TNNI3K: variants seen among roughly 807,000 people sequenced by gnomAD.
The protein encoded by TNNI3K is TNNI3 interacting kinase, also known as serine/threonine-protein kinase TNNI3K.
Under a neutral mutation model 114.5 loss-of-function variants are expected in TNNI3K, and 140 were observed. The observed-to-expected ratio is 1.22, with a 90% confidence interval of 1.07 to 1.41. TNNI3K has a LOEUF of 1.41. TNNI3K is among the 40% of genes most tolerant of loss of function. The pLI is 0.00. For synonymous variants in TNNI3K, 347 were observed against 347.5 expected, an observed-to-expected ratio of 1.00 and a Z score of 0.02; for missense variants, 1,125 against 1,007.6, an observed-to-expected ratio of 1.12 and a Z score of -1.58.
intron 2 of TNNI3K, among the ~76,000 whole-genome samples, chr1:74,247,586 T>C (rs1386887743): frequency 6.6e-6 from 1 of 152,170 alleles, no homozygotes; most frequent in East Asian, 1.9e-4. Flanking sequence ...TGGTCCGTTT[T>C]GACAGGGTAC....
chr1:74,392,415 A>G (rs1663836521), intron 17 of TNNI3K, among the ~76,000 whole-genome samples: 1 of 152,240 alleles, frequency 6.6e-6, no homozygotes, highest in South Asian at 2.1e-4. Flanking sequence ...TCAGCAGGTA[A>G]CAGAACTGGG....
At chr1:74,439,816 C>T (rs756459196) in intron 20 of TNNI3K, among the ~76,000 whole-genome samples, 194 bp downstream of exon 20, 3 of 151,646 alleles carry the variant, frequency 2.0e-5, no homozygotes, top group Non-Finnish European at 4.4e-5. Flanking sequence ...GATTTCAGAC[C>T]GAGACACACA....
Position 74,369,420 on chromosome 1 carries a change from C to T in TNNI3K, c.1502C>T (p.Ser501Leu). Residue 501 changes from serine to leucine, a missense_variant, in exon 16 of 25, where the codon TCA (serine) becomes TTA (leucine). Transcript: ENST00000326637. ...CGAGCCAATACCTACTGCTCCAAGT[C>T]AGATGTGGATATGTTTTGCCGAGAG... is the stretch of plus-strand genomic sequence containing the variant. ...RYRANTYCSK[S>L]DVDMFCREVS... The T allele has an allele frequency of 6.2e-7, 1 of 1,611,510 alleles. No individual in the cohort carries two copies. Among genetic ancestry groups the T allele is most frequent in the African/African-American group, 1.3e-5 (1 of 74,868 alleles).
At chr1:74,540,438 A>G in intron 24 of TNNI3K, 125 bp downstream of exon 24, 3 of 898,900 alleles carry the variant, frequency 3.3e-6, no homozygotes, top group Non-Finnish European at 3.3e-6. Flanking sequence ...TTAAAAATAT[A>G]AAAGTATAAA....
At chr1:74,421,098 T>C (rs555689369) in intron 17 of TNNI3K, among the ~76,000 whole-genome samples, 1 of 152,236 alleles carries the variant, frequency 6.6e-6, no homozygotes, top group East Asian at 1.9e-4. Flanking sequence ...CAGTTACTTA[T>C]CTGCTTTTAG....
intron 9 of TNNI3K, chr1:74,345,963 T>C (rs928736183): frequency 6.6e-6 from 1 of 152,202 alleles, no homozygotes; most frequent in African/African-American, 2.4e-5. Flanking sequence ...AAATCTTATT[T>C]CCTTGCATCT....
At chr1:74,275,613 T>G (rs1258962812) in intron 5 of TNNI3K, among the ~76,000 whole-genome samples, 3 of 151,848 alleles carry the variant, frequency 2.0e-5, no homozygotes, top group Non-Finnish European at 4.4e-5. Context: ...ATAAGAGGGA[T>G]CTGGCCCAAA....
intron 4 of TNNI3K, among the ~76,000 whole-genome samples, chr1:74,252,549 C>T (rs1198642460): frequency 2.0e-5 from 3 of 152,166 alleles, no homozygotes; most frequent in African/African-American, 4.8e-5. Flanking sequence ...GGGACCCTCG[C>T]GGTGAGTATT....
chr1:74,306,345 G>A (rs1379597740), intron 5 of TNNI3K, among the ~76,000 whole-genome samples: 3 of 152,116 alleles, frequency 2.0e-5, no homozygotes, highest in Non-Finnish European at 4.4e-5. Flanking sequence ...ACATATGAGT[G>A]CAGGTGTCTC....
At chr1:74,252,574 C>CGGCA (rs1557450896) in intron 4 of TNNI3K, among the ~76,000 whole-genome samples, 1 of 152,074 alleles carries the variant, frequency 6.6e-6, no homozygotes, top group Non-Finnish European at 1.5e-5. Flanking sequence ...TTCTTAAAGG[C>CGGCA]GGCATGTCCA....
At chr1:74,251,111 A>G (rs139769529) in intron 4 of TNNI3K, among the ~76,000 whole-genome samples, 152 of 152,308 alleles carry the variant, frequency 1.0e-3, no homozygotes, top group Non-Finnish European at 1.7e-3. Flanking sequence ...TCAGAACACC[A>G]TGATGCCTCT....
Position 74,544,173 on chromosome 1 carries a change from A to T in TNNI3K, c.*191A>T. 1.8e-6 allele frequency: 1 copy of T among 554,788 alleles called. No homozygotes were observed. Among genetic ancestry groups the T allele is most frequent in the South Asian group, 2.8e-5 (1 of 35,758 alleles). 34.4% of individuals were successfully genotyped at this position (554,788 alleles called of 1,614,324 possible). A position where few individuals can be genotyped will look rare whatever the true frequency, so the allele number is the denominator to read the frequency against. On this transcript the variant is annotated 3_prime_UTR_variant, in exon 25 of 25. Transcript: ENST00000326637. ...GATTTGTGCCTAAGGAATAATATGCAAAAGAACCAAGACAGAATGTATATG... is the reference window on the plus strand; with the variant it reads ...GATTTGTGCCTAAGGAATAATATGCTAAAGAACCAAGACAGAATGTATATG...
intron 11 of TNNI3K, 99 bp downstream of exon 11, chr1:74,354,228 A>G: frequency 1.3e-6 from 2 of 1,538,030 alleles, no homozygotes; most frequent in Admixed American, 1.9e-5. Flanking sequence ...TGACTTGAAC[A>G]CTCTCATTTC....
At position 74,439,627 on chromosome 1, in the gene TNNI3K, GAC is replaced by G. The variant is rs1666289022; in HGVS notation, c.2011+10_2011+11del. 3 of 1,612,422 alleles carry G rather than the reference GAC, an allele frequency of 1.9e-6. No individual in the cohort carries two copies. The highest frequency in any genetic ancestry group is 1.1e-5 in the South Asian group (1 of 90,778). On this transcript the variant is annotated splice_donor_region_variant and intron_variant, in intron 20 of 24. Coordinates refer to ENST00000326637, the MANE Select transcript of TNNI3K (RefSeq NM_015978.3). ...CATTCGCTCATCTCAAGCCAGGTAA[GAC>G]ACACTGCAATTGAAGTTTTCCTGTT...
intron 6 of TNNI3K, among the ~76,000 whole-genome samples, chr1:74,332,984 G>GAGAA (rs1286667677): frequency 7.2e-6 from 1 of 139,232 alleles, no homozygotes; most frequent in Non-Finnish European, 1.6e-5. Context: ...AAAAGAGAGA[G>GAGAA]ACAGAGAGAA....
chr1:74,293,975 T>C (rs1212675550), intron 5 of TNNI3K, among the ~76,000 whole-genome samples: 3 of 151,812 alleles, frequency 2.0e-5, no homozygotes, highest in Non-Finnish European at 4.4e-5. Flanking sequence ...ATTATTTCAT[T>C]AATATGCTAA....
Position 74,342,982 on chromosome 1 carries a change from C to T in TNNI3K, c.823C>T (p.His275Tyr), listed in dbSNP as rs1281735651. The change falls in exon 8 of 25, where the codon CAC (histidine) becomes TAC (tyrosine). Residue 275 changes from histidine (H) to tyrosine (Y), a missense_variant. By Grantham distance (83) the His-to-Tyr change is moderately conservative (BLOSUM62 2). Transcript: ENST00000326637. ...VVNIYGDTPL[H>Y]LACYNGKFEV... is the part of the protein sequence containing the mutation. ...TAATATCTATGGAGATACCCCCTTA[C>T]ACCTGTGAGTATTATGTAGCATTCC... 3 of 1,613,870 alleles carry T rather than the reference C, an allele frequency of 1.9e-6. No homozygotes were observed. Among genetic ancestry groups the T allele is most frequent in the South Asian group, 1.1e-5 (1 of 91,082 alleles).
At position 74,433,376 on chromosome 1, in the gene TNNI3K, C is replaced by A. The variant is rs549145697; in HGVS notation, c.1773-2704C>A. 2.4e-3 allele frequency among the ~76,000 whole-genome samples: 372 copies of A among 152,116 alleles called. 1 individual carries two copies. The highest frequency in any genetic ancestry group is 4.0e-3 in the Non-Finnish European group (269 of 67,988). On this transcript the variant is annotated intron_variant, in intron 17 of 24. Coordinates refer to ENST00000326637, the MANE Select transcript of TNNI3K (RefSeq NM_015978.3). ...CTGCCAGCTTCAACCCTGCCTGCCC[C>A]CCTTCATGAACTTCACTCCATATAG...
rs1660831967 is a variant in TNNI3K at position 74,343,124 on chromosome 1, T to C, written c.877T>C (p.Ser293Pro). 1.2e-6 allele frequency: 2 copies of C among 1,613,466 alleles called. No homozygotes were observed. Among genetic ancestry groups the C allele is most frequent in the Non-Finnish European group, 1.7e-6 (2 of 1,179,802 alleles). ...AGTTGCCAAGGAAATCATCCAAATA[T>C]CAGGAACAGAAAGTCTGACTAAGGA... ...FEVAKEIIQISGTESLTKENI... is the reference protein window; with the variant it reads ...FEVAKEIIQIPGTESLTKENI... Residue 293 changes from serine (S) to proline (P), a missense_variant, in exon 9 of 25, where the codon TCA (serine) becomes CCA (proline). Ser to Pro is a moderately conservative substitution (Grantham distance 74, BLOSUM62 -1). Transcript: ENST00000326637.
Sources: gnomAD v4.1 joint callset for allele counts (sites outside exome capture counted in the v4.1 genomes callset) on GRCh38, gnomAD v4.1.1 for gene constraint, MANE v1.5 for transcripts, NCBI Gene and HGNC (gene_info 2026-07-23, HGNC 2026-07-21) for gene names.